Variants in SASH1 observed in about 807,000 individuals in gnomAD.
SASH1 encodes SAM and SH3 domain-containing protein 1.
In SASH1, 44 loss-of-function variants were observed where a neutral mutation model predicts 125.2. The ratio of observed to expected loss-of-function variants is 0.35; its 90% CI spans 0.28 to 0.45. The LOEUF (loss-of-function observed/expected upper bound fraction) is 0.45, where lower values mean the gene tolerates loss of function less well. Among genes scored for constraint, SASH1 ranks in the 20% least tolerant of loss-of-function variants. The pLI, the probability that SASH1 is intolerant of heterozygous loss-of-function variation, is 1.00. For synonymous variants in SASH1, 639 were observed against 649.1 expected, an observed-to-expected ratio of 0.98 and a Z score of 0.24; for missense variants, 1,426 against 1,614.5, an observed-to-expected ratio of 0.88 and a Z score of 2.00.
chr6:148,448,113 AGAGT>A (rs1260776089), intron 4 of SASH1, among the ~76,000 whole-genome samples: 3 of 133,204 alleles, frequency 2.3e-5, no homozygotes, highest in Non-Finnish European at 3.2e-5. Flanking sequence ...TGCAGTGGAG[AGAGT>A]GTGTGTGTGT....
At chr6:148,223,647 T>C in the SASH1 span, among the ~76,000 whole-genome samples, 1 of 152,212 alleles carries the variant, frequency 6.6e-6, no homozygotes, top group Non-Finnish European at 1.5e-5. Flanking sequence ...TTTTTTTAAC[T>C]AGAGGGTAGA....
At chr6:148,344,541 C>T (rs966347358) in intron 1 of SASH1, among the ~76,000 whole-genome samples, 3 of 152,018 alleles carry the variant, frequency 2.0e-5, no homozygotes, top group Non-Finnish European at 4.4e-5. Flanking sequence ...TCTTGTCACT[C>T]TCCAGTATTG....
At chr6:148,436,577 C>A (rs1450933567) in intron 2 of SASH1, among the ~76,000 whole-genome samples, 1 of 152,126 alleles carries the variant, frequency 6.6e-6, no homozygotes, top group Admixed American at 6.5e-5. Flanking sequence ...GCCTGCCTTT[C>A]TCCATATGCT....
At chr6:148,334,195 C>T (rs1268896434) in intron 1 of SASH1, among the ~76,000 whole-genome samples, 4 of 141,588 alleles carry the variant, frequency 2.8e-5, no homozygotes, top group Non-Finnish European at 4.6e-5. Flanking sequence ...GAGGCCGAGG[C>T]GGGTGGATCA....
chr6:148,420,879 G>A (rs559750129), intron 2 of SASH1, among the ~76,000 whole-genome samples: 11 of 152,032 alleles, frequency 7.2e-5, no homozygotes, highest in East Asian at 3.9e-4. Context: ...TCAGGAGTTC[G>A]AGACTAGCCT....
At chr6:148,487,532 T>C (rs1778928883) in intron 7 of SASH1, 82 bp from the exon 8 acceptor site, 1 of 969,312 alleles carries the variant, frequency 1.0e-6, no homozygotes. Context: ...CTAGATGTAT[T>C]ATTTGAGTCA....
chr6:148,338,939 A>G (rs1781242054), upstream of SASH1, among the ~76,000 whole-genome samples: 1 of 141,116 alleles, frequency 7.1e-6, no homozygotes, highest in African/African-American at 2.6e-5. Context: ...CAGGAGGGGG[A>G]GATTGCAGTG....
At chr6:148,251,681 T>A in the SASH1 span, among the ~76,000 whole-genome samples, 1 of 152,054 alleles carries the variant, frequency 6.6e-6, no homozygotes, top group Admixed American at 6.5e-5. Flanking sequence ...TATTTTCTTT[T>A]TTTTTTAAAT....
At chr6:148,296,186 C>T (rs979605926) in intron 1 of SASH1, among the ~76,000 whole-genome samples, 4 of 151,990 alleles carry the variant, frequency 2.6e-5, no homozygotes, top group African/African-American at 4.8e-5. Flanking sequence ...AGTGCAGTGG[C>T]GCTATCTCGG....
At chr6:148,499,057 G>GTTTTTTTTTTTT (rs4052628) in intron 8 of SASH1, among the ~76,000 whole-genome samples, 1 of 127,082 alleles carries the variant, frequency 7.9e-6, no homozygotes, top group African/African-American at 2.8e-5. Flanking sequence ...TCTTTTTTTT[G>GTTTTTTTTTTTT]TTTTTTTTTT....
Position 148,377,706 on chromosome 6 carries a change from T to G in SASH1, c.157-12428T>G, listed in dbSNP as rs112685455. Among the ~76,000 whole-genome samples, 142 of 152,314 alleles carry G rather than the reference T, an allele frequency of 9.3e-4. 1 individual carries two copies. Among genetic ancestry groups the G allele is most frequent in the African/African-American group, 3.2e-3 (135 of 41,572 alleles). Reference sequence around the variant, plus strand: ...TTAAGGCCCTTCCCTGTATTGAAATTCTAGATCTTTATTTTTATAATAGGT... The same window carrying G: ...TTAAGGCCCTTCCCTGTATTGAAATGCTAGATCTTTATTTTTATAATAGGT... On this transcript the variant is annotated intron_variant, in intron 1 of 19. Coordinates refer to ENST00000367467, the MANE Select transcript of SASH1 (RefSeq NM_015278.5).
intron 12 of SASH1, 69 bp from the exon 13 acceptor site, chr6:148,531,457 C>T (rs1171717021): frequency 1.3e-5 from 17 of 1,340,728 alleles, no homozygotes; most frequent in African/African-American, 1.5e-5. Context: ...AAGGCCAAGT[C>T]GCTGAGAATT....
At chr6:148,516,728 TGAGACTCAAAGAGGCTAA>T (rs1780463936) in intron 9 of SASH1, among the ~76,000 whole-genome samples, 1 of 148,618 alleles carries the variant, frequency 6.7e-6, no homozygotes, top group African/African-American at 2.5e-5. Flanking sequence ...ATGAGGAACC[TGAGACTCAAAGAGGCTAA>T]AAGTAATTGA....
At chr6:148,438,326 G>C (rs1041198384) in intron 2 of SASH1, among the ~76,000 whole-genome samples, 2 of 152,220 alleles carry the variant, frequency 1.3e-5, no homozygotes, top group African/African-American at 4.8e-5. Flanking sequence ...CTGGAAAATT[G>C]TGATTGGTCT....
In SASH1 at chr6:148,296,806, GA is replaced by G. The variant is rs1321853355; in HGVS notation, n.74+24430del. On this transcript the variant is annotated intron_variant and non_coding_transcript_variant, in intron 1 of 3. Transcript: ENST00000367469. ...TTCCCCTAGAGCATTTAATGAGAAG[GA>G]GCTGGCATGGAGGATACCCAAGTCT... Among the ~76,000 whole-genome samples the G allele has an allele frequency of 2.0e-5, 3 of 152,316 alleles. No homozygotes were observed. In the East Asian group the frequency reaches 5.8e-4, roughly 29 times the overall value.
intron 2 of SASH1, chr6:148,393,680 C>T (rs774623941): frequency 3.5e-5 from 34 of 984,178 alleles, no homozygotes; most frequent in African/African-American, 1.6e-4. Context: ...GCTAATTTGG[C>T]GTGCTCTGTT....
the SASH1 span, among the ~76,000 whole-genome samples, chr6:148,223,362 A>C: frequency 2.0e-5 from 3 of 152,244 alleles, no homozygotes; most frequent in Non-Finnish European, 4.4e-5. Flanking sequence ...TGTGTAAATA[A>C]AAATTTCACA....
intron 1 of SASH1, among the ~76,000 whole-genome samples, chr6:148,290,601 G>T (rs758330502): frequency 6.6e-6 from 1 of 151,910 alleles, no homozygotes; most frequent in Non-Finnish European, 1.5e-5. Flanking sequence ...GTGAGATTCC[G>T]TCTCAAAAAA....
intron 7 of SASH1, chr6:148,480,877 A>T (rs1778586510): frequency 6.6e-6 from 1 of 152,128 alleles, no homozygotes; most frequent in Non-Finnish European, 1.5e-5. Context: ...GTGTAATTTT[A>T]AAAGATAGCT....
Sources: allele counts gnomAD v4.1 joint callset (sites outside exome capture counted in the v4.1 genomes callset), GRCh38; gene constraint gnomAD v4.1.1; transcripts MANE v1.5; gene names NCBI Gene and HGNC (gene_info 2026-07-23, HGNC 2026-07-21).